Variants in DACH1 observed in about 807,000 individuals in gnomAD.
The protein encoded by DACH1 is dachshund family transcription factor 1.
Under a neutral mutation model 54.2 loss-of-function variants are expected in DACH1, and 12 were observed. The observed-to-expected ratio is 0.22, with a 90% CI of 0.14 to 0.36. The LOEUF is 0.36. DACH1 is among the 10% of genes least tolerant of loss of function. The probability of loss-of-function intolerance (pLI) is 1.00; values close to 1 mark genes in which losing one functional copy is unlikely to be tolerated. For synonymous variants in DACH1, 386 were observed against 366.2 expected (o/e 1.05, Z -0.62); for missense variants, 805 against 929.8 (o/e 0.87, Z 1.75).
rs191599297 is a variant in DACH1, at chr13:71,494,719, C to T, written c.1571-5571G>A. 4.7e-3 allele frequency among the ~76,000 whole-genome samples: 721 copies of T among 151,938 alleles called. 4 individuals carry two copies. The highest frequency in any genetic ancestry group is 7.5e-3 in the Non-Finnish European group (509 of 67,916). On this transcript the variant is annotated intron_variant, in intron 6 of 10. Transcript: ENST00000613252. ...GACCAGAAAAACTACTTATTAACAT[C>T]TTAATAATTATATAATAAATACATT...
At chr13:71,858,038 G>C (rs1874117022) in intron 1 of DACH1, among the ~76,000 whole-genome samples, 1 of 151,566 alleles carries the variant, frequency 6.6e-6, no homozygotes. Flanking sequence ...ATAAGTGAAT[G>C]TAATACACTA....
At chr13:71,494,849 C>T (rs911414223) in intron 6 of DACH1, among the ~76,000 whole-genome samples, 17 of 152,162 alleles carry the variant, frequency 1.1e-4, no homozygotes, top group African/African-American at 4.1e-4. Context: ...TTATCAATAA[C>T]TGACTATCAG....
rs57078245 is a variant in DACH1 at position 71,674,440 on chromosome 13, TACACACACACACACACAC to T, written c.964+7337_964+7354del. ...TTAAAAGAGAGTCAGAGGGAGATTT[TACACACACACACACACAC>T]ACACACACACACACACACACACACA... On this transcript the variant is annotated intron_variant, in intron 2 of 10. Coordinates refer to ENST00000613252, the MANE Select transcript of DACH1 (RefSeq NM_080759.6). Among the ~76,000 whole-genome samples, 20 of 141,138 alleles carry T rather than the reference TACACACACACACACACAC, an allele frequency of 1.4e-4. No individual in the cohort carries two copies. In the East Asian group the frequency reaches 2.7e-3, roughly 19 times the overall value. 92.6% of individuals were successfully genotyped at this position (141,138 alleles called of 152,430 possible). A position where few individuals can be genotyped will look rare whatever the true frequency, so the allele number is the denominator to read the frequency against.
chr13:71,477,754 C>T (rs182384992), intron 8 of DACH1, among the ~76,000 whole-genome samples: 13 of 152,192 alleles, frequency 8.5e-5, no homozygotes, highest in Non-Finnish European at 1.8e-4. Context: ...TGCCATTGAC[C>T]GCTCACAGTT....
chr13:71,579,914 A>G (rs1885757380), intron 3 of DACH1, among the ~76,000 whole-genome samples: 1 of 152,196 alleles, frequency 6.6e-6, no homozygotes, highest in South Asian at 2.1e-4. Flanking sequence ...AAGGTAAAAC[A>G]AAGAAATGCA....
At chr13:71,586,968 A>G (rs1873325795) in intron 3 of DACH1, among the ~76,000 whole-genome samples, 1 of 152,096 alleles carries the variant, frequency 6.6e-6, no homozygotes, top group Non-Finnish European at 1.5e-5. Flanking sequence ...TTTATCTGGA[A>G]AGCTTAAAAC....
At chr13:71,805,207 A>T (rs1262236236) in intron 1 of DACH1, among the ~76,000 whole-genome samples, 1 of 152,154 alleles carries the variant, frequency 6.6e-6, no homozygotes, top group South Asian at 2.1e-4. Context: ...ATACATTTGT[A>T]TACAATTATC....
At chr13:71,789,788 C>T (rs1340546654) in intron 1 of DACH1, among the ~76,000 whole-genome samples, 4 of 152,038 alleles carry the variant, frequency 2.6e-5, no homozygotes, top group African/African-American at 9.7e-5. Flanking sequence ...ATTGGACAGA[C>T]ATAAACAATG....
At chr13:71,657,666 A>G (rs1879214295) in intron 2 of DACH1, among the ~76,000 whole-genome samples, 1 of 152,052 alleles carries the variant, frequency 6.6e-6, no homozygotes, top group Non-Finnish European at 1.5e-5. Flanking sequence ...ACATATACAT[A>G]CACAGTACAA....
chr13:71,450,882 A>G (rs1242628713), intron 10 of DACH1, among the ~76,000 whole-genome samples: 1 of 152,154 alleles, frequency 6.6e-6, no homozygotes, highest in Non-Finnish European at 1.5e-5. Flanking sequence ...ATGAAGGTTA[A>G]GAGAGAGGGT....
chr13:71,551,923 G>A (rs1175309679), intron 6 of DACH1, among the ~76,000 whole-genome samples: 4 of 151,886 alleles, frequency 2.6e-5, no homozygotes, highest in Admixed American at 2.6e-4. Context: ...GAGATGTTGA[G>A]CATTGGAAAT....
intron 1 of DACH1, chr13:71,704,562 C>A: frequency 2.2e-6 from 1 of 461,852 alleles, no homozygotes; most frequent in South Asian, 1.8e-5. Flanking sequence ...AACTGAAGCA[C>A]CAGCCTGCTC....
At chr13:71,509,951 C>T (rs1264316644) in intron 6 of DACH1, among the ~76,000 whole-genome samples, 1 of 152,058 alleles carries the variant, frequency 6.6e-6, no homozygotes, top group Non-Finnish European at 1.5e-5. Context: ...TTTTTATTCC[C>T]AGTTCTCTAG....
chr13:71,801,405 A>G (rs980215034), intron 1 of DACH1, among the ~76,000 whole-genome samples: 1 of 152,158 alleles, frequency 6.6e-6, no homozygotes, highest in Non-Finnish European at 1.5e-5. Context: ...AATGTTTAGG[A>G]CATGCCTAAA....
intron 1 of DACH1, among the ~76,000 whole-genome samples, chr13:71,859,330 C>T (rs528663091): frequency 9.2e-5 from 14 of 151,692 alleles, no homozygotes; most frequent in East Asian, 1.9e-4. Flanking sequence ...AATCTATGTC[C>T]GAATAAACCA....
intron 1 of DACH1, among the ~76,000 whole-genome samples, chr13:71,737,691 G>A (rs1341100570): frequency 1.3e-5 from 2 of 152,148 alleles, no homozygotes; most frequent in African/African-American, 4.8e-5. Flanking sequence ...AAGTCTGTGG[G>A]CAAGGAAATC....
At chr13:71,632,016 T>A (rs1877142366) in intron 2 of DACH1, among the ~76,000 whole-genome samples, 1 of 151,872 alleles carries the variant, frequency 6.6e-6, no homozygotes, top group Non-Finnish European at 1.5e-5. Context: ...GAGAATCAGT[T>A]GAGCCTAGGA....
At chr13:71,764,225 A>C (rs1885523240) in intron 1 of DACH1, among the ~76,000 whole-genome samples, 1 of 152,078 alleles carries the variant, frequency 6.6e-6, no homozygotes, top group African/African-American at 2.4e-5. Flanking sequence ...CTTTCATGCA[A>C]TCATACTCAA....
chr13:71,774,551 G>A (rs565446485), intron 1 of DACH1, among the ~76,000 whole-genome samples: 16 of 152,208 alleles, frequency 1.1e-4, no homozygotes, highest in South Asian at 2.1e-4. Context: ...GGTAGAAACC[G>A]TATAATTTAG....
Sources: allele counts gnomAD v4.1 joint callset (sites outside exome capture counted in the v4.1 genomes callset), GRCh38; gene constraint gnomAD v4.1.1; transcripts MANE v1.5; gene names NCBI Gene and HGNC (gene_info 2026-07-23, HGNC 2026-07-21).